Variants in MAST2 observed in about 807,000 individuals in gnomAD.
The protein encoded by MAST2 is microtubule-associated serine/threonine-protein kinase 2.
MAST2 carries 70 observed loss-of-function variants against 147.4 expected under a neutral mutation model. The observed-to-expected ratio is 0.47, with a 90% CI of 0.39 to 0.58. The LOEUF (loss-of-function observed/expected upper bound fraction) is 0.58. Among genes scored for constraint, MAST2 ranks in the 20% least tolerant of loss-of-function variants. The probability of loss-of-function intolerance (pLI) is 0.00; values close to 1 mark genes in which losing one functional copy is unlikely to be tolerated. For synonymous variants in MAST2, 869 were observed against 896.8 expected, an observed-to-expected ratio of 0.97 and a Z score of 0.55; for missense variants, 2,080 against 2,302.3, an observed-to-expected ratio of 0.90 and a Z score of 1.98.
At chr1:45,995,001 G>C (rs948567337) in intron 5 of MAST2, among the ~76,000 whole-genome samples, 2 of 151,978 alleles carry the variant, frequency 1.3e-5, no homozygotes, top group African/African-American at 4.8e-5. Flanking sequence ...ACCACGCCCG[G>C]CTAATTTTTT....
intron 4 of MAST2, among the ~76,000 whole-genome samples, chr1:45,892,054 A>G (rs1305057085): frequency 1.3e-5 from 2 of 152,224 alleles, no homozygotes; most frequent in Non-Finnish European, 2.9e-5. Flanking sequence ...TATTGGCTCC[A>G]TAAAGTCAAC....
chr1:45,930,125 G>T (rs919204323), intron 4 of MAST2, among the ~76,000 whole-genome samples: 43 of 151,866 alleles, frequency 2.8e-4, no homozygotes, highest in African/African-American at 1.0e-3. Flanking sequence ...TTTCTCTGTC[G>T]CCCAGGCTGG....
chr1:45,965,618 A>G (rs927294507), intron 5 of MAST2, among the ~76,000 whole-genome samples: 5 of 151,898 alleles, frequency 3.3e-5, no homozygotes, highest in Non-Finnish European at 5.9e-5. Context: ...CTATGTGTGT[A>G]TTCAGTATTA....
At chr1:46,001,958 C>A (rs765327182) in intron 6 of MAST2, among the ~76,000 whole-genome samples, 1 of 152,152 alleles carries the variant, frequency 6.6e-6, no homozygotes, top group Non-Finnish European at 1.5e-5. Context: ...CTAACTTCAA[C>A]CAGAGCAGGC....
chr1:46,025,857 T>TG (rs764897499), intron 16 of MAST2, 42 bp downstream of exon 16: 52 of 1,612,706 alleles, frequency 3.2e-5, no homozygotes, highest in Admixed American at 2.8e-4. Flanking sequence ...GTCTCCCTCT[T>TG]GGGTCTCCAG....
At chr1:45,859,804 A>G (rs1014868596) in intron 3 of MAST2, among the ~76,000 whole-genome samples, 1 of 152,206 alleles carries the variant, frequency 6.6e-6, no homozygotes, top group Admixed American at 6.5e-5. Context: ...TTATCTAGTC[A>G]TTGGCTGATA....
In MAST2 at chr1:45,852,315, A is replaced by C. The variant is rs111844138; in HGVS notation, c.468+22734A>C. ...ATATTTGCACTCCCACCCCGTCTTT[A>C]TCTTCTTGCAACCACTAATGTGTTC... On this transcript the variant is annotated intron_variant, in intron 3 of 28. Coordinates refer to ENST00000361297, the MANE Select transcript of MAST2 (RefSeq NM_015112.3). Among the ~76,000 whole-genome samples, 988 of 152,142 alleles carry C rather than the reference A, an allele frequency of 6.5e-3. 11 individuals carry two copies. The highest frequency in any genetic ancestry group is 0.023 in the African/African-American group (945 of 41,498).
intron 7 of MAST2, among the ~76,000 whole-genome samples, chr1:46,004,169 C>T (rs529334468): frequency 6.6e-6 from 1 of 152,044 alleles, no homozygotes; most frequent in South Asian, 2.1e-4. Context: ...TCGAGACCAT[C>T]GTGGCTAACA....
chr1:45,833,032 A>G (rs1645004542), intron 3 of MAST2, among the ~76,000 whole-genome samples: 1 of 142,508 alleles, frequency 7.0e-6, no homozygotes, highest in South Asian at 2.3e-4. Context: ...TTTTTCATAT[A>G]AATCAAATCA....
chr1:45,843,347 A>G (rs960419625), intron 3 of MAST2, among the ~76,000 whole-genome samples: 1 of 152,180 alleles, frequency 6.6e-6, no homozygotes. Flanking sequence ...ATCCATTGCC[A>G]GCTCCAAGGT....
intron 5 of MAST2, among the ~76,000 whole-genome samples, chr1:45,968,835 C>T (rs575523156): frequency 6.7e-6 from 1 of 149,140 alleles, no homozygotes; most frequent in South Asian, 2.1e-4. Flanking sequence ...ACGTATCACA[C>T]CTTTTGTAAT....
rs373229977 is a variant in MAST2, at chr1:46,030,698, A to G, written c.2645A>G (p.His882Arg). 9.3e-6 allele frequency: 15 copies of G among 1,607,442 alleles called. No homozygotes were observed. Among genetic ancestry groups the G allele is most frequent in the Middle Eastern group, 1.7e-4 (1 of 6,042 alleles). ...AGCCTGAGTGAGGAGAAGGAGGACC[A>G]TTCAGATGGCCTGGCAGGGCTCAAA... The part of the protein sequence containing the change: ...KRSLSEEKED[H>R]SDGLAGLKGR... Residue 882 changes from histidine to arginine, a missense_variant, in exon 22 of 29, where the codon CAT becomes CGT. His to Arg is a conservative substitution (Grantham distance 29, BLOSUM62 0). This residue lies in a region of MAST2 where 1,278 missense variants were observed against 1,304.2 expected (regional missense o/e 0.98). Transcript: ENST00000361297.
intron 3 of MAST2, among the ~76,000 whole-genome samples, chr1:45,847,905 C>T (rs999206055): frequency 6.6e-6 from 1 of 152,148 alleles, no homozygotes; most frequent in Non-Finnish European, 1.5e-5. Flanking sequence ...ATTTACAGTG[C>T]TGAGCAAAGA....
chr1:46,031,695 TCTGA>T lies in MAST2; in HGVS notation c.3187+114_3187+117del. On this transcript the variant is annotated intron_variant, in intron 24 of 28. Transcript: ENST00000361297. The surrounding 1 kb of genome is among the most constrained non-coding windows in gnomAD (Gnocchi z 4.1). ...TGTGTGTGTGTGTGTTAAGCACAGATCTGACTGTGGTCTCTGAAGGTGTGTATTG... is the reference window on the plus strand; with the variant it reads ...TGTGTGTGTGTGTGTTAAGCACAGATCTGTGGTCTCTGAAGGTGTGTATTG... 2.7e-6 allele frequency: 3 copies of T among 1,092,544 alleles called. No homozygotes were observed. In the South Asian group the frequency reaches 4.6e-5, roughly 17 times the overall value. 67.7% of individuals were successfully genotyped at this position (1,092,544 alleles called of 1,614,324 possible). A position where few individuals can be genotyped will look rare whatever the true frequency, so the allele number is the denominator to read the frequency against.
At chr1:45,832,454 C>T (rs570241412) in intron 3 of MAST2, among the ~76,000 whole-genome samples, 112 of 152,052 alleles carry the variant, frequency 7.4e-4, no homozygotes, top group Middle Eastern at 3.4e-3. Context: ...GCCACCTCAC[C>T]TGGCTATTTT....
Position 45,977,837 on chromosome 1 carries a change from C to G in MAST2, c.592+18360C>G, listed in dbSNP as rs867327352. ...AAAAAGTTCTGGTTATCAAAAGATA[C>G]TATGAAAAGAGTGAAACGAGAAGCC... On this transcript the variant is annotated intron_variant, in intron 5 of 28. Coordinates refer to ENST00000361297, the MANE Select transcript of MAST2 (RefSeq NM_015112.3). 2.7e-5 allele frequency among the ~76,000 whole-genome samples: 4 copies of G among 146,786 alleles called. No homozygotes were observed. The Middle Eastern group carries it at 0.011, about 405-fold the overall frequency.
chr1:45,987,516 T>G (rs1644676396), intron 5 of MAST2, among the ~76,000 whole-genome samples: 1 of 152,154 alleles, frequency 6.6e-6, no homozygotes, highest in African/African-American at 2.4e-5. Flanking sequence ...CTCATCGTGT[T>G]GCCCAGGCTG....
chr1:45,829,486 C>G lies in MAST2; in HGVS notation c.373C>G (p.Gln125Glu), dbSNP rs768183626. The G allele has an allele frequency of 1.2e-6, 2 of 1,614,148 alleles. No individual in the cohort carries two copies. Among genetic ancestry groups the G allele is most frequent in the South Asian group, 2.2e-5 (2 of 91,080 alleles). Residue 125 changes from glutamine (Q) to glutamate (E), a missense_variant, in exon 3 of 29, where the codon CAG becomes GAG. This residue lies in a region of MAST2 where 569 missense variants were observed against 642.5 expected (regional missense o/e 0.89). Coordinates refer to ENST00000361297, the MANE Select transcript of MAST2 (RefSeq NM_015112.3). ...CAGCAGTGTACATAGCAGTGTGGGA[C>G]AGGTGACTTGGCAGTCGTCAGGAGA... ...LSSSVHSSVG[Q>E]VTWQSSGEAS...
At chr1:45,969,157 A>G (rs943751644) in intron 5 of MAST2, among the ~76,000 whole-genome samples, 13 of 152,146 alleles carry the variant, frequency 8.5e-5, no homozygotes, top group African/African-American at 2.7e-4. Context: ...TAGTCTGATC[A>G]TTGCAACATT....
Sources: gnomAD v4.1 joint callset for allele counts (sites outside exome capture counted in the v4.1 genomes callset) on GRCh38, gnomAD v4.1.1 for gene constraint, gnomAD v4.1.1 regional missense constraint, Gnocchi (gnomAD v3.1) non-coding constraint, MANE v1.5 for transcripts, NCBI Gene and HGNC (gene_info 2026-07-23, HGNC 2026-07-21) for gene names.